Variants in ZFAT observed in about 807,000 individuals in gnomAD.
ZFAT encodes the protein zinc finger protein ZFAT.
A neutral mutation model predicts 117.7 loss-of-function variants in ZFAT; 64 were observed. The observed-to-expected ratio is 0.54, with a 90% CI of 0.44 to 0.67. The LOEUF is 0.67. Ranked by LOEUF, ZFAT falls within the 30% of genes least tolerant of loss-of-function variation. ZFAT has a pLI of 0.00. For synonymous variants in ZFAT, 679 were observed against 615.0 expected, an observed-to-expected ratio of 1.10 and a Z score of -1.54; for missense variants, 1,433 against 1,584.5, an observed-to-expected ratio of 0.90 and a Z score of 1.62.
the ZFAT span, among the ~76,000 whole-genome samples, chr8:134,805,738 C>T: frequency 3.9e-5 from 6 of 152,090 alleles, no homozygotes; most frequent in East Asian, 7.7e-4. Context: ...TTTGGGAGGC[C>T]GAGGCAGGTG....
the ZFAT span, among the ~76,000 whole-genome samples, chr8:134,819,416 C>T: frequency 1.3e-5 from 2 of 151,490 alleles, no homozygotes; most frequent in African/African-American, 4.9e-5. Context: ...AAATATTATC[C>T]CAAGACATTA....
chr8:134,643,650 G>C (rs763898190), intron 2 of ZFAT, among the ~76,000 whole-genome samples: 5 of 152,166 alleles, frequency 3.3e-5, no homozygotes, highest in Non-Finnish European at 7.3e-5. Flanking sequence ...TGTGTGAGGC[G>C]GTGATTGAAG....
At chr8:134,588,430 G>A (rs773429308) in intron 8 of ZFAT, 35 bp from the exon 9 acceptor site, 48 of 1,542,518 alleles carry the variant, frequency 3.1e-5, no homozygotes, top group South Asian at 8.6e-5. Flanking sequence ...AGGAGTCAGA[G>A]CACCTCAGGG....
intron 10 of ZFAT, 197 bp from the exon 11 acceptor site, chr8:134,565,618 TC>T: frequency 1.5e-6 from 1 of 688,254 alleles, no homozygotes; most frequent in Admixed American, 2.2e-5. Flanking sequence ...GGAGAGGCAC[TC>T]CCCAGGGAGG....
Position 134,486,481 on chromosome 8 carries a change from T to C in ZFAT, c.3493-7760A>G, listed in dbSNP as rs1017698260. On this transcript the variant is annotated intron_variant, in intron 15 of 15. Coordinates refer to ENST00000377838, the MANE Select transcript of ZFAT (RefSeq NM_020863.4). ...ATAAATTGAATCAGGTTCCTATTTA[T>C]TAAACCATGTCTTGGAGAACAGCCC... Among the ~76,000 whole-genome samples, 2 of 152,266 alleles carry C rather than the reference T, an allele frequency of 1.3e-5. 1 individual carries two copies. The highest frequency in any genetic ancestry group is 4.1e-4 in the South Asian group (2 of 4,828).
At chr8:134,614,981 G>A (rs1025432866) in intron 3 of ZFAT, among the ~76,000 whole-genome samples, 25 of 152,184 alleles carry the variant, frequency 1.6e-4, no homozygotes, top group Non-Finnish European at 3.1e-4. Context: ...GAAGGAGAAA[G>A]AGTGAAAAAT....
chr8:134,761,365 C>T, the ZFAT span, among the ~76,000 whole-genome samples: 1 of 151,848 alleles, frequency 6.6e-6, no homozygotes, highest in Non-Finnish European at 1.5e-5. Context: ...GCTATGGAAA[C>T]ACATAGTAGG....
chr8:134,703,113 CCTA>C (rs1834059771), intron 1 of ZFAT, among the ~76,000 whole-genome samples: 2 of 152,208 alleles, frequency 1.3e-5, no homozygotes, highest in Admixed American at 1.3e-4. Context: ...ATTTTGCATT[CCTA>C]CTAATGATGT....
intron 10 of ZFAT, among the ~76,000 whole-genome samples, chr8:134,583,062 C>T (rs1261835927): frequency 1.3e-5 from 2 of 152,142 alleles, no homozygotes; most frequent in Admixed American, 6.5e-5. Context: ...TCTTCTTTCC[C>T]TCTATCCAGC....
intron 11 of ZFAT, among the ~76,000 whole-genome samples, chr8:134,558,038 G>C (rs1169641780): frequency 6.6e-6 from 1 of 152,252 alleles, no homozygotes; most frequent in Non-Finnish European, 1.5e-5. Flanking sequence ...TCAAGTCAAG[G>C]ATCCTCGGTT....
chr8:134,616,316 G>A (rs1828731812), intron 3 of ZFAT, among the ~76,000 whole-genome samples: 1 of 152,182 alleles, frequency 6.6e-6, no homozygotes, highest in African/African-American at 2.4e-5. Context: ...CAACAGCCTT[G>A]TTAGTAATTT....
chr8:134,722,429 C>T, the ZFAT span, among the ~76,000 whole-genome samples: 1 of 152,210 alleles, frequency 6.6e-6, no homozygotes, highest in African/African-American at 2.4e-5. Flanking sequence ...CGGCAGCCTC[C>T]ACCAAAGACA....
At chr8:134,788,566 A>G in the ZFAT span, among the ~76,000 whole-genome samples, 3 of 152,092 alleles carry the variant, frequency 2.0e-5, no homozygotes, top group Non-Finnish European at 4.4e-5. Context: ...GAAAATGTGA[A>G]TTATGTTTTT....
At chr8:134,563,999 C>G (rs535022187) in intron 11 of ZFAT, among the ~76,000 whole-genome samples, 18 of 152,130 alleles carry the variant, frequency 1.2e-4, no homozygotes, top group African/African-American at 4.3e-4. Flanking sequence ...CAAAAATTAG[C>G]TGAGCGTGGC....
chr8:134,770,360 T>C, the ZFAT span, among the ~76,000 whole-genome samples: 4 of 152,248 alleles, frequency 2.6e-5, no homozygotes, highest in African/African-American at 9.6e-5. Context: ...ATTAGTTCCT[T>C]AAATTAATAC....
the ZFAT span, among the ~76,000 whole-genome samples, chr8:134,803,603 A>C: frequency 6.5e-4 from 99 of 152,300 alleles, no homozygotes; most frequent in Admixed American, 2.6e-3. Flanking sequence ...ACTCTAACAA[A>C]AGAGCATTTA....
At chr8:134,827,011 G>A in the ZFAT span, among the ~76,000 whole-genome samples, 2 of 152,180 alleles carry the variant, frequency 1.3e-5, no homozygotes, top group African/African-American at 4.8e-5. Context: ...AATTTATAGG[G>A]TCACCCATGA....
At position 134,702,855 on chromosome 8, in the gene ZFAT, T is replaced by C. The variant is rs377092147; in HGVS notation, c.19+9990A>G. On this transcript the variant is annotated intron_variant, in intron 1 of 15. Transcript: ENST00000377838. The stretch of plus-strand genomic sequence containing the variant: ...TCCAGCTAATTTCTTGTATTTTTAG[T>C]AGAGACGGGGTTTCACCATGTTAGC... 2.6e-3 allele frequency among the ~76,000 whole-genome samples: 395 copies of C among 152,248 alleles called. 4 individuals are homozygous for C. The highest frequency in any genetic ancestry group is 9.3e-3 in the African/African-American group (386 of 41,554).
At chr8:134,750,381 T>C in the ZFAT span, among the ~76,000 whole-genome samples, 1 of 152,164 alleles carries the variant, frequency 6.6e-6, no homozygotes, top group African/African-American at 2.4e-5. Context: ...TTAATGTATA[T>C]ATAATAGCAT....
Sources: allele counts gnomAD v4.1 joint callset (sites outside exome capture counted in the v4.1 genomes callset), GRCh38; gene constraint gnomAD v4.1.1; transcripts MANE v1.5; gene names NCBI Gene and HGNC (gene_info 2026-07-23, HGNC 2026-07-21).